The following RBFOX1 variants were observed in gnomAD, a reference collection of about 807,000 sequenced individuals.
The protein encoded by RBFOX1 is RNA binding fox-1 homolog 1.
RBFOX1 carries 8 observed loss-of-function variants against 57.7 expected under a neutral mutation model. The ratio of observed to expected loss-of-function variants is 0.14; its 90% CI spans 0.08 to 0.25. The LOEUF is 0.25. RBFOX1 is among the 10% of genes least tolerant of loss of function. The pLI is 1.00. For synonymous variants in RBFOX1, 326 were observed against 222.4 expected (o/e 1.47, Z -4.15); for missense variants, 611 against 548.5 (o/e 1.11, Z -1.14).
chr16:5,298,314 CTG>C (rs930521228), intron 1 of RBFOX1, among the ~76,000 whole-genome samples: 9 of 152,164 alleles, frequency 5.9e-5, no homozygotes, highest in African/African-American at 2.2e-4. Flanking sequence ...TAACAAGAGA[CTG>C]TATTTAATTT....
At chr16:5,305,995 C>T (rs754303312) in intron 1 of RBFOX1, among the ~76,000 whole-genome samples, 1 of 152,082 alleles carries the variant, frequency 6.6e-6, no homozygotes, top group Non-Finnish European at 1.5e-5. Context: ...AGTTTGAGAC[C>T]AACATGGGCA....
At chr16:5,771,274 G>A (rs1255015272) in intron 3 of RBFOX1, among the ~76,000 whole-genome samples, 2 of 152,248 alleles carry the variant, frequency 1.3e-5, no homozygotes, top group Non-Finnish European at 2.9e-5. Flanking sequence ...GAGAAGCTCT[G>A]ACCTGGAGGG....
At chr16:6,692,988 G>A (rs1423882090) in intron 3 of RBFOX1, among the ~76,000 whole-genome samples, 10 of 142,082 alleles carry the variant, frequency 7.0e-5, no homozygotes, top group East Asian at 2.2e-4. Context: ...TATCACCATC[G>A]TTCTCCTCCA....
intron 1 of RBFOX1, among the ~76,000 whole-genome samples, chr16:5,306,230 A>G (rs2063929568): frequency 6.6e-6 from 1 of 152,190 alleles, no homozygotes; most frequent in Non-Finnish European, 1.5e-5. Flanking sequence ...GATAATGGTG[A>G]GTAAAGAAGA....
At chr16:6,274,367 A>G (rs2075563728) in intron 1 of RBFOX1, among the ~76,000 whole-genome samples, 1 of 152,218 alleles carries the variant, frequency 6.6e-6, no homozygotes, top group Admixed American at 6.5e-5. Context: ...CAACCCAGTA[A>G]CAAAAAGGAG....
At chr16:5,879,055 C>G (rs1411718667) in intron 4 of RBFOX1, among the ~76,000 whole-genome samples, 3 of 152,184 alleles carry the variant, frequency 2.0e-5, no homozygotes, top group African/African-American at 7.2e-5. Context: ...CCTGTAGCCC[C>G]CTCCTTACAG....
chr16:5,692,459 A>G (rs951308107), intron 3 of RBFOX1, among the ~76,000 whole-genome samples: 1 of 152,092 alleles, frequency 6.6e-6, no homozygotes, highest in Non-Finnish European at 1.5e-5. Context: ...TTCCCAACTG[A>G]GACTCTGTGT....
At chr16:7,463,747 A>G (rs147994610) in intron 4 of RBFOX1, among the ~76,000 whole-genome samples, 44 of 152,288 alleles carry the variant, frequency 2.9e-4, no homozygotes, top group African/African-American at 9.4e-4. Context: ...GCCTACTACA[A>G]TGATCTCATC....
At chr16:6,323,065 G>T (rs1262904338) in intron 2 of RBFOX1, among the ~76,000 whole-genome samples, 1 of 152,152 alleles carries the variant, frequency 6.6e-6, no homozygotes, top group Non-Finnish European at 1.5e-5. Context: ...CAGGAACTCT[G>T]CAGACCTTTT....
At chr16:5,792,172 G>T (rs143984645) in intron 3 of RBFOX1, among the ~76,000 whole-genome samples, 2 of 152,336 alleles carry the variant, frequency 1.3e-5, no homozygotes, top group Non-Finnish European at 2.9e-5. Flanking sequence ...AAGAGAACCT[G>T]GGACAAGGCC....
intron 1 of RBFOX1, among the ~76,000 whole-genome samples, chr16:6,250,270 A>C (rs1008950783): frequency 6.6e-6 from 1 of 152,064 alleles, no homozygotes; most frequent in African/African-American, 2.4e-5. Context: ...CTAGGTGCTC[A>C]GTATGTGTTT....
At chr16:6,910,163 G>C (rs2071186069) in intron 3 of RBFOX1, among the ~76,000 whole-genome samples, 1 of 151,958 alleles carries the variant, frequency 6.6e-6, no homozygotes, top group Non-Finnish European at 1.5e-5. Flanking sequence ...TGGAACTCTA[G>C]GAAGTAGAAA....
chr16:7,238,883 A>C (rs1450336189), intron 4 of RBFOX1, among the ~76,000 whole-genome samples: 1 of 152,198 alleles, frequency 6.6e-6, no homozygotes, highest in Non-Finnish European at 1.5e-5. Flanking sequence ...ATACGTGAGA[A>C]CATGCAGTGT....
intron 10 of RBFOX1, among the ~76,000 whole-genome samples, chr16:7,622,915 C>A (rs1052106859): frequency 1.3e-5 from 2 of 152,196 alleles, no homozygotes; most frequent in Non-Finnish European, 2.9e-5. Flanking sequence ...AATATTCTTA[C>A]ATGGATTAGC....
chr16:7,488,442 G>A (rs895225528), intron 4 of RBFOX1, among the ~76,000 whole-genome samples: 16 of 18,636 alleles, frequency 8.6e-4, no homozygotes, highest in African/African-American at 9.5e-4. Context: ...TCATTCTTTC[G>A]TTGTTTGTCT....
intron 4 of RBFOX1, among the ~76,000 whole-genome samples, chr16:7,273,253 CCTTCCTT>C (rs2095372950): frequency 7.6e-6 from 1 of 132,260 alleles, no homozygotes; most frequent in African/African-American, 2.9e-5. Flanking sequence ...TTCCTTCCTT[CCTTCCTT>C]CCTCCCTTTC....
intron 1 of RBFOX1, among the ~76,000 whole-genome samples, chr16:5,416,735 G>C (rs1178567786): frequency 6.6e-6 from 1 of 151,482 alleles, no homozygotes; most frequent in African/African-American, 2.4e-5. Flanking sequence ...TCCTCTTTTG[G>C]GGCCAGAGTT....
chr16:6,088,104 G>A (rs148341295), intron 1 of RBFOX1, among the ~76,000 whole-genome samples: 111 of 152,208 alleles, frequency 7.3e-4, no homozygotes, highest in African/African-American at 2.5e-3. Flanking sequence ...TCACCGTCTC[G>A]TTATTTCAAC....
chr16:6,874,662 C>T (rs552064470), intron 3 of RBFOX1, among the ~76,000 whole-genome samples: 1 of 151,982 alleles, frequency 6.6e-6, no homozygotes, highest in Non-Finnish European at 1.5e-5. Flanking sequence ...TTTCCATTCC[C>T]GAGTTCCTTA....
Sources: gnomAD v4.1 joint callset for allele counts (sites outside exome capture counted in the v4.1 genomes callset) on GRCh38, gnomAD v4.1.1 for gene constraint, MANE v1.5 for transcripts, NCBI Gene and HGNC (gene_info 2026-07-23, HGNC 2026-07-21) for gene names.